The following DCC variants were observed in gnomAD, a reference collection of about 807,000 sequenced individuals.
The protein encoded by DCC is netrin receptor DCC.
In DCC, 58 loss-of-function variants were observed where a neutral mutation model predicts 172.5. The observed-to-expected ratio is 0.34, with a 90% confidence interval of 0.27 to 0.42. The LOEUF (loss-of-function observed/expected upper bound fraction) is 0.42, where lower values mean the gene tolerates loss of function less well. Among genes scored for constraint, DCC ranks in the 10% least tolerant of loss-of-function variants. The pLI is 1.00. For missense variants in DCC, 1,740 were observed against 1,791.0 expected, an observed-to-expected ratio of 0.97 and a Z score of 0.51; for synonymous variants, 709 against 644.5, an observed-to-expected ratio of 1.10 and a Z score of -1.52.
intron 1 of DCC, among the ~76,000 whole-genome samples, chr18:52,700,640 C>T (rs544563300): frequency 6.6e-6 from 1 of 152,210 alleles, no homozygotes; most frequent in African/African-American, 2.4e-5. Context: ...AGAATATAAG[C>T]TTGCTTCTTT....
intron 2 of DCC, among the ~76,000 whole-genome samples, chr18:52,901,797 G>A (rs973831879): frequency 6.6e-6 from 1 of 152,156 alleles, no homozygotes; most frequent in African/African-American, 2.4e-5. Context: ...CTCAGCCAAT[G>A]TTTTGTATCT....
chr18:52,984,289 A>G (rs1466579692), intron 5 of DCC, among the ~76,000 whole-genome samples: 12 of 152,126 alleles, frequency 7.9e-5, no homozygotes, highest in Non-Finnish European at 1.5e-5. Flanking sequence ...GATAAATTTC[A>G]TCCTTTGATT....
chr18:52,949,754 T>A (rs1268720577), intron 5 of DCC, among the ~76,000 whole-genome samples: 1 of 152,230 alleles, frequency 6.6e-6, no homozygotes, highest in Non-Finnish European at 1.5e-5. Flanking sequence ...AGCCAGAGTC[T>A]CAGATTATAA....
At chr18:53,054,856 T>G (rs2042382164) in intron 5 of DCC, among the ~76,000 whole-genome samples, 1 of 152,152 alleles carries the variant, frequency 6.6e-6, no homozygotes, top group South Asian at 2.1e-4. Flanking sequence ...GAAAATAAAA[T>G]TCAAAGGTCT....
intron 1 of DCC, among the ~76,000 whole-genome samples, chr18:52,483,653 A>T (rs2030067739): frequency 1.3e-5 from 2 of 151,980 alleles, no homozygotes; most frequent in Admixed American, 6.6e-5. Flanking sequence ...GAGTCTTGTA[A>T]ATTCTTTTTG....
chr18:52,736,298 G>C (rs1049083514), intron 1 of DCC, among the ~76,000 whole-genome samples: 1 of 143,708 alleles, frequency 7.0e-6, no homozygotes, highest in South Asian at 2.2e-4. Flanking sequence ...AAAAAAAACA[G>C]AAAAATCACC....
chr18:53,297,383 T>C (rs2057080216), intron 12 of DCC, among the ~76,000 whole-genome samples: 1 of 152,218 alleles, frequency 6.6e-6, no homozygotes, highest in Non-Finnish European at 1.5e-5. Context: ...TAGAGGAAGC[T>C]AAATTTTATA....
intron 23 of DCC, among the ~76,000 whole-genome samples, chr18:53,455,756 C>T (rs558886034): frequency 3.3e-5 from 5 of 152,204 alleles, no homozygotes; most frequent in Admixed American, 3.3e-4. Flanking sequence ...ATGTTTTTGT[C>T]CCTTCTACTT....
intron 1 of DCC, among the ~76,000 whole-genome samples, chr18:52,359,771 G>C (rs926988857): frequency 6.6e-6 from 1 of 152,038 alleles, no homozygotes; most frequent in African/African-American, 2.4e-5. Context: ...ACTGTAATGG[G>C]GTTTCTGTCA....
intron 1 of DCC, among the ~76,000 whole-genome samples, chr18:52,520,203 C>T (rs1437332783): frequency 6.6e-6 from 1 of 152,186 alleles, no homozygotes; most frequent in Non-Finnish European, 1.5e-5. Context: ...ACAACTCCGT[C>T]GTCCTCCTCC....
chr18:52,836,269 GGT>G (rs1355657832), intron 2 of DCC, among the ~76,000 whole-genome samples: 1 of 152,112 alleles, frequency 6.6e-6, no homozygotes, highest in Non-Finnish European at 1.5e-5. Context: ...TTCTTCCCCT[GGT>G]TCCTCTCAAA....
At chr18:52,581,187 T>TTATCTGTCTATCTATCTATCTATCTATC (rs2033538763) in intron 1 of DCC, among the ~76,000 whole-genome samples, 1 of 146,452 alleles carries the variant, frequency 6.8e-6, no homozygotes, top group Non-Finnish European at 1.5e-5. Flanking sequence ...TCTATATATC[T>TTATCTGTCTATCTATCTATCTATCTATC]TATCTATCTA....
At chr18:53,049,735 G>A (rs1226568421) in intron 5 of DCC, among the ~76,000 whole-genome samples, 1 of 151,942 alleles carries the variant, frequency 6.6e-6, no homozygotes, top group East Asian at 1.9e-4. Context: ...TGAAAAATAT[G>A]ATTAGTAGTT....
At position 53,353,608 on chromosome 18, in the gene DCC, CT is replaced by C. The variant is rs1156620795; in HGVS notation, c.2359+13704del. On this transcript the variant is annotated intron_variant, in intron 15 of 28. Transcript: ENST00000442544. ...ATTGTGCTGGTGATTAATTTTCCATCTTTGTTATGTGTGAAAAAGTTTTAAG... is the reference window on the plus strand; with the variant it reads ...ATTGTGCTGGTGATTAATTTTCCATCTTGTTATGTGTGAAAAAGTTTTAAG... Among the ~76,000 whole-genome samples the C allele has an allele frequency of 7.2e-5, 11 of 151,922 alleles. No homozygotes were observed. The East Asian group carries it at 2.1e-3, about 29-fold the overall frequency.
chr18:53,248,214 C>A (rs1428099207), intron 12 of DCC, among the ~76,000 whole-genome samples: 1 of 152,046 alleles, frequency 6.6e-6, no homozygotes, highest in Admixed American at 6.6e-5. Flanking sequence ...TCTATCTCTT[C>A]CCCCATCTCT....
chr18:53,438,357 T>A (rs980256360), intron 22 of DCC, among the ~76,000 whole-genome samples: 1 of 152,188 alleles, frequency 6.6e-6, no homozygotes, highest in Non-Finnish European at 1.5e-5. Context: ...GACACAAAAC[T>A]ATGTACTCTC....
intron 4 of DCC, 79 bp downstream of exon 4, chr18:52,923,936 A>G: frequency 1.9e-6 from 2 of 1,044,098 alleles, no homozygotes; most frequent in South Asian, 2.5e-5. Context: ...CTAATTTGAT[A>G]TAAGTACCTA....
chr18:53,495,209 T>C (rs1381876393), intron 26 of DCC, among the ~76,000 whole-genome samples: 1 of 152,058 alleles, frequency 6.6e-6, no homozygotes, highest in Non-Finnish European at 1.5e-5. Context: ...CTGACCAAGA[T>C]GGTGAAACCC....
chr18:52,376,011 G>T (rs987361717), intron 1 of DCC, among the ~76,000 whole-genome samples: 122 of 152,298 alleles, frequency 8.0e-4, no homozygotes, highest in African/African-American at 2.8e-3. Flanking sequence ...CTACATGCTA[G>T]CCCGAAAGAC....
Sources: gnomAD v4.1 joint callset for allele counts (sites outside exome capture counted in the v4.1 genomes callset) on GRCh38, gnomAD v4.1.1 for gene constraint, MANE v1.5 for transcripts, NCBI Gene and HGNC (gene_info 2026-07-23, HGNC 2026-07-21) for gene names.